Variants in CCSER1 observed in about 807,000 individuals in gnomAD.
CCSER1 encodes serine-rich coiled-coil domain-containing protein 1.
In CCSER1, 41 loss-of-function variants were observed where a neutral mutation model predicts 82.0. The ratio of observed to expected loss-of-function variants is 0.50; its 90% confidence interval spans 0.39 to 0.65. The LOEUF is 0.65. Ranked by LOEUF, CCSER1 falls within the 30% of genes least tolerant of loss-of-function variation. The pLI is 0.00. For synonymous variants in CCSER1, 414 were observed against 383.9 expected (o/e 1.08, Z -0.92); for missense variants, 1,119 against 1,064.2 (o/e 1.05, Z -0.72).
intron 10 of CCSER1, among the ~76,000 whole-genome samples, chr4:91,295,273 G>A (rs2149225772): frequency 6.6e-6 from 1 of 151,930 alleles, no homozygotes; most frequent in Non-Finnish European, 1.5e-5. Context: ...TAAATGCAGT[G>A]GATCTTAGTT....
chr4:90,940,210 C>T (rs1731428473), intron 9 of CCSER1, among the ~76,000 whole-genome samples: 1 of 152,106 alleles, frequency 6.6e-6, no homozygotes, highest in African/African-American at 2.4e-5. Context: ...AAGAAAAGGT[C>T]ACCTAACTAG....
intron 10 of CCSER1, among the ~76,000 whole-genome samples, chr4:91,101,771 G>T (rs1725088056): frequency 6.6e-6 from 1 of 152,158 alleles, no homozygotes; most frequent in Non-Finnish European, 1.5e-5. Context: ...AGGACATCAA[G>T]AACTTCTGAA....
chr4:90,600,711 AT>A (rs951210224), intron 5 of CCSER1, among the ~76,000 whole-genome samples: 1 of 151,544 alleles, frequency 6.6e-6, no homozygotes, highest in African/African-American at 2.4e-5. Context: ...TGTCCTTTAA[AT>A]TTTTTTTAAA....
Position 90,646,956 on chromosome 4 carries a change from C to T in CCSER1, c.1932+18724C>T, listed in dbSNP as rs1003266263. ...GTACTCTCTACAAATACCCTCATCC[C>T]CCCACCCCAACACACATCCTTTTCA... On this transcript the variant is annotated intron_variant, in intron 6 of 10. Coordinates refer to ENST00000509176, the MANE Select transcript of CCSER1 (RefSeq NM_001145065.2). 7.9e-5 allele frequency among the ~76,000 whole-genome samples: 12 copies of T among 152,164 alleles called. No homozygotes were observed. In the East Asian group the frequency reaches 9.7e-4, roughly 12 times the overall value.
chr4:90,928,479 C>T (rs934097461), intron 9 of CCSER1, among the ~76,000 whole-genome samples: 1 of 152,082 alleles, frequency 6.6e-6, no homozygotes, highest in Non-Finnish European at 1.5e-5. Flanking sequence ...AAAAAATATT[C>T]CTGCATGGAG....
At chr4:90,674,282 A>G (rs1733378591) in intron 6 of CCSER1, among the ~76,000 whole-genome samples, 1 of 151,984 alleles carries the variant, frequency 6.6e-6, no homozygotes, top group African/African-American at 2.4e-5. Context: ...GCCCCAGAGG[A>G]ATCATTTACT....
At chr4:90,218,613 C>T (rs542487511) in intron 1 of CCSER1, among the ~76,000 whole-genome samples, 1 of 152,150 alleles carries the variant, frequency 6.6e-6, no homozygotes, top group Non-Finnish European at 1.5e-5. Flanking sequence ...CAAGTGATAA[C>T]TTTTCAGGGT....
chr4:90,366,645 C>T (rs1746334203), intron 3 of CCSER1, among the ~76,000 whole-genome samples: 1 of 151,806 alleles, frequency 6.6e-6, no homozygotes, highest in Non-Finnish European at 1.5e-5. Flanking sequence ...TCATTCTCCC[C>T]ACCTCCAGCC....
At chr4:90,264,996 C>T (rs936364487) in intron 1 of CCSER1, among the ~76,000 whole-genome samples, 1 of 152,018 alleles carries the variant, frequency 6.6e-6, no homozygotes. Context: ...TTTCTTCTGT[C>T]TTCATAAACT....
intron 3 of CCSER1, among the ~76,000 whole-genome samples, chr4:90,342,732 A>C (rs968653317): frequency 6.6e-6 from 1 of 151,964 alleles, no homozygotes; most frequent in African/African-American, 2.4e-5. Flanking sequence ...AGTTTTCCAT[A>C]CTCCAGGACT....
At chr4:90,994,861 C>T (rs933434084) in intron 9 of CCSER1, among the ~76,000 whole-genome samples, 6 of 152,140 alleles carry the variant, frequency 3.9e-5, no homozygotes, top group Non-Finnish European at 5.9e-5. Flanking sequence ...CATGTAGCTC[C>T]ACCAGAATAT....
chr4:90,419,185 A>G (rs1256368613), intron 4 of CCSER1, among the ~76,000 whole-genome samples: 1 of 151,988 alleles, frequency 6.6e-6, no homozygotes, highest in East Asian at 1.9e-4. Flanking sequence ...TTTAGTGAGG[A>G]TGAAATTGTG....
chr4:90,866,173 C>T (rs755343331), intron 8 of CCSER1, among the ~76,000 whole-genome samples: 1 of 151,906 alleles, frequency 6.6e-6, no homozygotes, highest in African/African-American at 2.4e-5. Flanking sequence ...AACCATATCA[C>T]TCCCCCATGC....
At chr4:90,643,420 A>T (rs1371615692) in intron 6 of CCSER1, among the ~76,000 whole-genome samples, 1 of 152,232 alleles carries the variant, frequency 6.6e-6, no homozygotes, top group Non-Finnish European at 1.5e-5. Flanking sequence ...GGTCCGTGAC[A>T]TTGGAGCATT....
At chr4:91,425,075 G>A (rs536340038) in intron 10 of CCSER1, among the ~76,000 whole-genome samples, 14 of 151,870 alleles carry the variant, frequency 9.2e-5, no homozygotes, top group South Asian at 2.1e-4. Context: ...AGCAATGTAT[G>A]GTTTATATAT....
At chr4:91,551,446 G>A (rs142084241) in intron 10 of CCSER1, among the ~76,000 whole-genome samples, 66 of 152,110 alleles carry the variant, frequency 4.3e-4, no homozygotes, top group Admixed American at 3.0e-3. Flanking sequence ...TTGAAGAGCC[G>A]TATTCAATAG....
At chr4:90,772,970 T>G (rs62313023) in intron 7 of CCSER1, among the ~76,000 whole-genome samples, 88,664 of 151,882 alleles carry the variant, frequency 0.58, 26,144 homozygotes, top group African/African-American at 0.66. Flanking sequence ...GCCAGGCATG[T>G]TGGCTTATGC....
intron 7 of CCSER1, chr4:90,781,458 G>A (rs867135774): frequency 1.0e-6 from 1 of 985,222 alleles, no homozygotes; most frequent in South Asian, 4.7e-5. Flanking sequence ...CAAATTTAAT[G>A]AAATGATGGA....
chr4:91,506,358 A>G (rs576185884), intron 10 of CCSER1, among the ~76,000 whole-genome samples: 1 of 152,172 alleles, frequency 6.6e-6, no homozygotes, highest in African/African-American at 2.4e-5. Flanking sequence ...GTTTGAAGTC[A>G]GGTAGCATGA....
Sources: gnomAD v4.1 joint callset for allele counts (sites outside exome capture counted in the v4.1 genomes callset) on GRCh38, gnomAD v4.1.1 for gene constraint, MANE v1.5 for transcripts, NCBI Gene and HGNC (gene_info 2026-07-23, HGNC 2026-07-21) for gene names.